Variants in MON2 observed in about 807,000 individuals in gnomAD.
The protein encoded by MON2 is MON2 regulator of endosome-to-Golgi trafficking.
Under a neutral mutation model 208.6 loss-of-function variants are expected in MON2, and 84 were observed. That is an observed-to-expected ratio of 0.40 (90% CI 0.34 to 0.48). MON2 has a LOEUF of 0.48. Ranked by LOEUF, MON2 falls within the 20% of genes least tolerant of loss-of-function variation. The pLI is 0.59. For synonymous variants in MON2, 660 were observed against 694.0 expected, an observed-to-expected ratio of 0.95 and a Z score of 0.77; for missense variants, 1,611 against 2,015.4, an observed-to-expected ratio of 0.80 and a Z score of 3.84.
At chr12:62,482,328 G>A (rs1454154623) in intron 1 of MON2, 2 of 152,216 alleles carry the variant, frequency 1.3e-5, no homozygotes, top group Admixed American at 6.5e-5. Context: ...AATGACAGAA[G>A]TCTACTGCAC....
intron 34 of MON2, among the ~76,000 whole-genome samples, chr12:62,591,219 T>A (rs1488929339): frequency 6.6e-6 from 1 of 152,170 alleles, no homozygotes; most frequent in Non-Finnish European, 1.5e-5. Context: ...AGCAGCAAAA[T>A]TCTTTTTACA....
chr12:62,525,290 A>C lies in MON2; in HGVS notation c.1246+70A>C, dbSNP rs923218086. On this transcript the variant is annotated intron_variant, in intron 10 of 34. Coordinates refer to ENST00000393630, the MANE Select transcript of MON2 (RefSeq NM_015026.3). ...TTACAGTATTGACTGTTCTGAGAGGATATTATGAAATTCTGTGACTAGAGA... is the reference window on the plus strand; with the variant it reads ...TTACAGTATTGACTGTTCTGAGAGGCTATTATGAAATTCTGTGACTAGAGA... The C allele has an allele frequency of 3.3e-5, 49 of 1,506,486 alleles. No homozygotes were observed. The East Asian group carries it at 1.1e-3, about 33-fold the overall frequency. The allele number at this position is 1,506,486 out of a possible 1,614,324, so 93.3% of individuals were successfully genotyped here. A position where few individuals can be genotyped will look rare whatever the true frequency, so the allele number is the denominator to read the frequency against.
rs139761408 is a variant in MON2 at position 62,544,949 on chromosome 12, A to G, written c.2518A>G (p.Thr840Ala). The G allele has an allele frequency of 1.1e-3, 1,812 of 1,609,108 alleles. 3 individuals carry two copies. The highest frequency in any genetic ancestry group is 1.3e-3 in the Non-Finnish European group (1,495 of 1,177,696). The change falls in exon 21 of 35, where the codon ACT becomes GCT. Residue 840 changes from threonine (T) to alanine (A), a missense_variant. By Grantham distance (58) the Thr-to-Ala change is moderately conservative. Transcript: ENST00000393630. ...GAGAGAATGGGGAGCAGAAGCTTTA[A>G]CTTCTCTTATTAAAGCAGGATTAAC... Reference protein sequence around the residue: ...RMREWGAEALTSLIKAGLTFN... With the variant: ...RMREWGAEALASLIKAGLTFN...
chr12:62,482,533 A>G (rs1264752192), intron 1 of MON2: 3 of 152,260 alleles, frequency 2.0e-5, no homozygotes, highest in African/African-American at 7.2e-5. Flanking sequence ...AAACTTGTAC[A>G]TATAGCTTCT....
At chr12:62,583,987 A>C (rs193217027) in intron 32 of MON2, among the ~76,000 whole-genome samples, 1,602 of 151,152 alleles carry the variant, frequency 0.011, 7 homozygotes, top group South Asian at 0.022. Context: ...AAAAAAAAAA[A>C]CAGACAGTGG....
chr12:62,542,990 C>T, intron 19 of MON2, 107 bp from the exon 20 acceptor site: 1 of 591,740 alleles, frequency 1.7e-6, no homozygotes, highest in Admixed American at 3.6e-5. Context: ...ACTAACCACT[C>T]AATTTTAATT....
chr12:62,528,597 C>A (rs547156413), intron 11 of MON2, among the ~76,000 whole-genome samples: 1 of 152,098 alleles, frequency 6.6e-6, no homozygotes, highest in Non-Finnish European at 1.5e-5. Flanking sequence ...GTATAAATTA[C>A]CCTTTCTCTT....
intron 23 of MON2, among the ~76,000 whole-genome samples, chr12:62,551,286 C>G (rs1322021327): frequency 6.6e-6 from 1 of 152,108 alleles, no homozygotes; most frequent in African/African-American, 2.4e-5. Context: ...TACTTGAACA[C>G]TTACAGGTCA....
At chr12:62,588,843 T>C (rs2075304018) in intron 34 of MON2, 1 of 1,440,562 alleles carries the variant, frequency 6.9e-7, no homozygotes, top group Admixed American at 2.1e-5. Context: ...CTTTTGTTTA[T>C]TTCATTATCC....
In MON2 at chr12:62,560,692, G is replaced by C. The variant is rs771296727; in HGVS notation, c.3611G>C (p.Gly1204Ala). The change falls in exon 26 of 35, where the codon GGC becomes GCC. Residue 1204 changes from glycine (G) to alanine (A), a missense_variant. Coordinates refer to ENST00000393630, the MANE Select transcript of MON2 (RefSeq NM_015026.3). ...PVPVLIGPIS[G>A]MSRPFVRTDS... ...CCTGTTCTTATAGGGCCCATATCAG[G>C]CATGAGCAGGCCATTTGTAAGAACA... 2.5e-6 allele frequency: 4 copies of C among 1,613,878 alleles called. No individual in the cohort carries two copies. The African/African-American group carries it at 5.3e-5, about 22-fold the overall frequency.
chr12:62,507,327 T>TC (rs1358340837), intron 7 of MON2, among the ~76,000 whole-genome samples: 1 of 151,716 alleles, frequency 6.6e-6, no homozygotes, highest in Non-Finnish European at 1.5e-5. Flanking sequence ...TTTTTTTTTT[T>TC]CTGTGTGAGA....
At chr12:62,528,183 G>A (rs1392333949) in intron 11 of MON2, among the ~76,000 whole-genome samples, 1 of 152,036 alleles carries the variant, frequency 6.6e-6, no homozygotes, top group African/African-American at 2.4e-5. Context: ...TGTTCACACT[G>A]GAGCTTAACT....
At chr12:62,481,228 A>T (rs1341436942) in intron 1 of MON2, among the ~76,000 whole-genome samples, 1 of 152,122 alleles carries the variant, frequency 6.6e-6, no homozygotes, top group Non-Finnish European at 1.5e-5. Flanking sequence ...GAAGATTTTT[A>T]AAAATACTGA....
chr12:62,502,081 G>C (rs1276314051), intron 7 of MON2, among the ~76,000 whole-genome samples: 1 of 152,038 alleles, frequency 6.6e-6, no homozygotes, highest in African/African-American at 2.4e-5. Context: ...TTAGCCAGGC[G>C]TGATGGCGGG....
At chr12:62,538,541 C>A in intron 19 of MON2, 36 bp downstream of exon 19, 3 of 1,321,820 alleles carry the variant, frequency 2.3e-6, no homozygotes, top group Non-Finnish European at 3.3e-6. Flanking sequence ...AGATATGATA[C>A]ATTAGTTATA....
intron 29 of MON2, among the ~76,000 whole-genome samples, chr12:62,568,268 A>G (rs990806685): frequency 3.9e-5 from 6 of 152,260 alleles, no homozygotes; most frequent in Non-Finnish European, 8.8e-5. Context: ...CTTCTAAGCC[A>G]TCATAAGATC....
At chr12:62,489,201 A>C (rs946659779) in intron 2 of MON2, among the ~76,000 whole-genome samples, 8 of 152,106 alleles carry the variant, frequency 5.3e-5, no homozygotes, top group African/African-American at 1.9e-4. Flanking sequence ...CTGCTTTCCA[A>C]AAAGATGAAA....
At chr12:62,511,490 G>A (rs957598261) in intron 8 of MON2, among the ~76,000 whole-genome samples, 2 of 152,150 alleles carry the variant, frequency 1.3e-5, no homozygotes, top group African/African-American at 4.8e-5. Context: ...TTTGAAAAGG[G>A]TGCCAAGACC....
intron 32 of MON2, among the ~76,000 whole-genome samples, chr12:62,582,873 G>C (rs1370534207): frequency 1.3e-5 from 2 of 152,070 alleles, no homozygotes; most frequent in African/African-American, 4.8e-5. Context: ...AGACATTTGA[G>C]GAAATTCTCT....
Sources: gnomAD v4.1 joint callset for allele counts (sites outside exome capture counted in the v4.1 genomes callset) on GRCh38, gnomAD v4.1.1 for gene constraint, MANE v1.5 for transcripts, NCBI Gene and HGNC (gene_info 2026-07-23, HGNC 2026-07-21) for gene names.